Variants in FIP1L1 observed in about 807,000 individuals in gnomAD.
FIP1L1 encodes the protein factor interacting with PAPOLA and CPSF1.
In FIP1L1, 21 loss-of-function variants were observed where a neutral mutation model predicts 84.6. The observed-to-expected ratio is 0.25, with a 90% CI of 0.18 to 0.36. FIP1L1 has a LOEUF of 0.36. Ranked by LOEUF, FIP1L1 falls within the 10% of genes least tolerant of loss-of-function variation. The probability of loss-of-function intolerance (pLI) is 1.00; values close to 1 mark genes in which losing one functional copy is unlikely to be tolerated. For synonymous variants in FIP1L1, 263 were observed against 242.3 expected, an observed-to-expected ratio of 1.09 and a Z score of -0.80; for missense variants, 526 against 751.1, an observed-to-expected ratio of 0.70 and a Z score of 3.50.
chr4:53,390,635 T>A lies in FIP1L1; in HGVS notation c.505+7T>A, dbSNP rs759856536. 1.9e-6 allele frequency: 3 copies of A among 1,541,746 alleles called. No homozygotes were observed. The South Asian group carries it at 3.5e-5, about 18-fold the overall frequency. ...AAACCATGGCGTAAACCTGGTAAGA[T>A]TATTGTGGATTATATTAATTTCAAT... On this transcript the variant is annotated splice_region_variant and intron_variant, in intron 7 of 17. Transcript: ENST00000337488.
At chr4:53,392,338 C>T (rs1432145789) in intron 9 of FIP1L1, among the ~76,000 whole-genome samples, 1 of 152,218 alleles carries the variant, frequency 6.6e-6, no homozygotes, top group East Asian at 1.9e-4. Context: ...GGTTTGCAGC[C>T]CTGTCCACCA....
chr4:53,386,335 C>A (rs1741082461), intron 5 of FIP1L1, among the ~76,000 whole-genome samples: 2 of 152,032 alleles, frequency 1.3e-5, no homozygotes, highest in Non-Finnish European at 2.9e-5. Flanking sequence ...GGTAAAATCA[C>A]CATGAAATTT....
chr4:53,450,920 A>G (rs1289633096), intron 15 of FIP1L1, among the ~76,000 whole-genome samples: 2 of 151,466 alleles, frequency 1.3e-5, no homozygotes, highest in Non-Finnish European at 2.9e-5. Flanking sequence ...TTTCCTAAGT[A>G]ATGCTTTCTG....
chr4:53,412,829 T>A (rs1757799246), intron 10 of FIP1L1, among the ~76,000 whole-genome samples: 1 of 152,062 alleles, frequency 6.6e-6, no homozygotes, highest in South Asian at 2.1e-4. Context: ...TTTTTAGGGA[T>A]TTTAGTGCCA....
Position 53,426,175 on chromosome 4 carries a change from T to G in FIP1L1, c.1017+210T>G, listed in dbSNP as rs553327826. ...TTTTTTAATAGGGTTTTCTTTCTTTTCCTTGGTAGAAACATAGTACAGGTT... is the reference window on the plus strand; with the variant it reads ...TTTTTTAATAGGGTTTTCTTTCTTTGCCTTGGTAGAAACATAGTACAGGTT... On this transcript the variant is annotated intron_variant, in intron 12 of 17. Transcript: ENST00000337488. Among the ~76,000 whole-genome samples, 3 of 152,182 alleles carry G rather than the reference T, an allele frequency of 2.0e-5. No individual in the cohort carries two copies. The East Asian group carries it at 5.8e-4, about 29-fold the overall frequency.
intron 13 of FIP1L1, among the ~76,000 whole-genome samples, chr4:53,437,540 A>G (rs1337207804): frequency 2.6e-5 from 4 of 151,782 alleles, no homozygotes; most frequent in East Asian, 1.9e-4. Flanking sequence ...TCCTCATAGT[A>G]TAGTCCTGGG....
At position 53,452,905 on chromosome 4, in the gene FIP1L1, G is replaced by A. The variant is rs201475947; in HGVS notation, c.1286-15G>A. ...AGTACCATAACGTTTGTTTTTAATC[G>A]TGTTTTTTCTTTAGTTGCCTTTCCC... On this transcript the variant is annotated splice_polypyrimidine_tract_variant and intron_variant, in intron 15 of 17. Transcript: ENST00000337488. 1.0e-4 allele frequency: 165 copies of A among 1,608,168 alleles called. No homozygotes were observed. Among genetic ancestry groups the A allele is most frequent in the Non-Finnish European group, 1.3e-4 (154 of 1,176,968 alleles).
chr4:53,444,226 A>G (rs1773231441), intron 15 of FIP1L1, 123 bp downstream of exon 15: 2 of 624,362 alleles, frequency 3.2e-6, no homozygotes, highest in South Asian at 4.2e-5. Flanking sequence ...AATATTAACT[A>G]CAGGAATGAG....
At chr4:53,451,731 TTTC>T (rs781291267) in intron 15 of FIP1L1, among the ~76,000 whole-genome samples, 7 of 152,136 alleles carry the variant, frequency 4.6e-5, no homozygotes, top group Non-Finnish European at 8.8e-5. Context: ...TTATTTTAGT[TTTC>T]TTCTTTTTTA....
intron 16 of FIP1L1, among the ~76,000 whole-genome samples, chr4:53,453,772 A>T (rs796731817): frequency 2.6e-5 from 4 of 152,314 alleles, no homozygotes; most frequent in African/African-American, 9.6e-5. Context: ...GCTGATTTTT[A>T]AAATTTTTTG....
intron 5 of FIP1L1, among the ~76,000 whole-genome samples, chr4:53,386,056 G>A (rs192262170): frequency 6.9e-6 from 1 of 145,006 alleles, no homozygotes; most frequent in Admixed American, 6.8e-5. Flanking sequence ...TTTTTTTTGC[G>A]TAACATACCT....
At chr4:53,394,298 T>A (rs943959329) in intron 9 of FIP1L1, among the ~76,000 whole-genome samples, 1 of 152,198 alleles carries the variant, frequency 6.6e-6, no homozygotes, top group African/African-American at 2.4e-5. Context: ...TCTGAAATGT[T>A]TGTTGATTGT....
intron 13 of FIP1L1, among the ~76,000 whole-genome samples, chr4:53,441,248 G>T (rs1268244415): frequency 6.6e-6 from 1 of 151,890 alleles, no homozygotes; most frequent in African/African-American, 2.4e-5. Context: ...CCTGAGTTCA[G>T]TGTTAAAAGC....
At chr4:53,419,722 G>A (rs1232153875) in intron 11 of FIP1L1, among the ~76,000 whole-genome samples, 1 of 152,076 alleles carries the variant, frequency 6.6e-6, no homozygotes, top group Non-Finnish European at 1.5e-5. Context: ...TGAGATTACA[G>A]GTGTGAGCCA....
At chr4:53,458,172 GCTTT>G (rs976622559) in intron 16 of FIP1L1, among the ~76,000 whole-genome samples, 11 of 152,144 alleles carry the variant, frequency 7.2e-5, no homozygotes, top group African/African-American at 2.4e-4. Flanking sequence ...AAACTTATTT[GCTTT>G]CTGTTTTGTA....
At chr4:53,407,179 G>A (rs1454307856) in intron 10 of FIP1L1, among the ~76,000 whole-genome samples, 1 of 152,018 alleles carries the variant, frequency 6.6e-6, no homozygotes, top group African/African-American at 2.4e-5. Context: ...ACACTGCTTT[G>A]AATGTGTCCC....
intron 7 of FIP1L1, 51 bp from the exon 8 acceptor site, chr4:53,390,958 A>T: frequency 1.4e-6 from 2 of 1,458,340 alleles, no homozygotes; most frequent in Non-Finnish European, 1.8e-6. Context: ...TTGATGCTGC[A>T]TAAAAATAGA....
At chr4:53,437,189 A>G (rs1459937223) in intron 13 of FIP1L1, among the ~76,000 whole-genome samples, 1 of 151,906 alleles carries the variant, frequency 6.6e-6, no homozygotes, top group East Asian at 1.9e-4. Context: ...TTAGCTGAGC[A>G]TGGTGGTACA....
intron 13 of FIP1L1, among the ~76,000 whole-genome samples, chr4:53,434,502 G>A (rs1010271576): frequency 6.9e-6 from 1 of 144,740 alleles, no homozygotes; most frequent in African/African-American, 2.6e-5. Flanking sequence ...ATGAAGTTTT[G>A]TTCTTGTTGC....
Sources: gnomAD v4.1 joint callset for allele counts (sites outside exome capture counted in the v4.1 genomes callset) on GRCh38, gnomAD v4.1.1 for gene constraint, MANE v1.5 for transcripts, NCBI Gene and HGNC (gene_info 2026-07-23, HGNC 2026-07-21) for gene names.